Variants in TNN observed in about 807,000 individuals in gnomAD.
The protein encoded by TNN is tenascin-N.
Under a neutral mutation model 134.4 loss-of-function variants are expected in TNN, and 122 were observed. The ratio of observed to expected loss-of-function variants is 0.91; its 90% confidence interval spans 0.78 to 1.06. The LOEUF (loss-of-function observed/expected upper bound fraction) is 1.06. Ranked by LOEUF, TNN falls within the 50% of genes least tolerant of loss-of-function variation. The pLI, the probability that TNN is intolerant of heterozygous loss-of-function variation, is 0.00. For synonymous variants in TNN, 710 were observed against 670.3 expected, an observed-to-expected ratio of 1.06 and a Z score of -0.91; for missense variants, 1,739 against 1,699.4, an observed-to-expected ratio of 1.02 and a Z score of -0.41.
At chr1:175,118,874 T>C (rs751619101) in intron 11 of TNN, 50 bp downstream of exon 11, 1 of 1,605,746 alleles carries the variant, frequency 6.2e-7, no homozygotes, top group South Asian at 1.1e-5. Context: ...TGCAGGTTGA[T>C]CTATTGCAGC....
chr1:175,118,549 T>TC lies in TNN; in HGVS notation c.2387-12_2387-11insC, dbSNP rs1558365769. 1 of 1,609,694 alleles carries TC rather than the reference T, an allele frequency of 6.2e-7. No individual in the cohort carries two copies. Among genetic ancestry groups the TC allele is most frequent in the Admixed American group, 1.7e-5 (1 of 59,474 alleles). ...GTTCATAGTGCATATTGGTCAGCAT[T>TC]TTTTTTTTCAGACATTGACAGCCCC... On this transcript the variant is annotated splice_polypyrimidine_tract_variant and intron_variant, in intron 10 of 18. Coordinates refer to ENST00000239462, the MANE Select transcript of TNN (RefSeq NM_022093.2).
intron 5 of TNN, 100 bp from the exon 6 acceptor site, chr1:175,085,305 C>T (rs1234077519): frequency 1.3e-5 from 10 of 759,220 alleles, no homozygotes; most frequent in Non-Finnish European, 2.1e-5. Context: ...GAAGCATCAC[C>T]TCTCATCTTC....
intron 6 of TNN, among the ~76,000 whole-genome samples, chr1:175,086,297 T>A (rs1040061074): frequency 3.3e-5 from 5 of 152,230 alleles, no homozygotes; most frequent in Non-Finnish European, 5.9e-5. Flanking sequence ...AAATATATAA[T>A]GATAAAAGGT....
At chr1:175,068,239 A>G (rs1673840097) in intron 1 of TNN, among the ~76,000 whole-genome samples, 1 of 152,220 alleles carries the variant, frequency 6.6e-6, no homozygotes, top group African/African-American at 2.4e-5. Context: ...ACATTTTTGT[A>G]TAAAATGTTT....
At chr1:175,071,024 T>C (rs1243375890) in intron 1 of TNN, among the ~76,000 whole-genome samples, 4 of 152,212 alleles carry the variant, frequency 2.6e-5, no homozygotes, top group Non-Finnish European at 4.4e-5. Flanking sequence ...TTTTCCTTCA[T>C]AGTTTAATGA....
chr1:175,079,205 CCCAGAAATCA>C, intron 2 of TNN, 118 bp from the exon 3 acceptor site: 1 of 957,832 alleles, frequency 1.0e-6, no homozygotes, highest in East Asian at 3.8e-5. Flanking sequence ...CCGTGCAAGA[CCCAGAAATCA>C]CCAGACCCTT....
At position 175,123,553 on chromosome 1, in the gene TNN, A is replaced by T. The variant is rs780623281; in HGVS notation, c.2804A>T (p.His935Leu). The change falls in exon 12 of 19, where the codon CAC becomes CTC. Residue 935 changes from histidine to leucine, a missense_variant. Coordinates refer to ENST00000239462, the MANE Select transcript of TNN (RefSeq NM_022093.2). ...ETREVPVGKE[H>L]SSTVLTGLRP... ...AGGGAGGTTCCGGTGGGGAAGGAGC[A>T]CAGCAGCACTGTCCTGACGGGCCTG... 123 of 1,613,936 alleles carry T rather than the reference A, an allele frequency of 7.6e-5. 1 individual carries two copies. In the Admixed American group the frequency reaches 2.0e-3, roughly 26 times the overall value.
chr1:175,117,013 C>A lies in TNN; in HGVS notation c.2194C>A (p.Arg732=), dbSNP rs548251185. ...GGCCACTGTCTCCTGGGACCCGGTGCGGGCCACCATTGACAGGTATGTGGT... is the reference window on the plus strand; with the variant it reads ...GGCCACTGTCTCCTGGGACCCGGTGAGGGCCACCATTGACAGGTATGTGGT... ...NMATVSWDPV[R]ATIDRYVVRY... is the part of the protein sequence containing the mutation. Residue 732 remains arginine (R), a synonymous_variant, in exon 10 of 19, where the codon CGG becomes AGG. Coordinates refer to ENST00000239462, the MANE Select transcript of TNN (RefSeq NM_022093.2). The A allele has an allele frequency of 3.7e-5, 59 of 1,614,072 alleles. No homozygotes were observed. The highest frequency in any genetic ancestry group is 4.7e-5 in the Non-Finnish European group (56 of 1,180,042).
In TNN at chr1:175,094,267, G is replaced by A. The variant is rs574086885; in HGVS notation, c.1588+14G>A. On this transcript the variant is annotated intron_variant, in intron 7 of 18. Transcript: ENST00000239462. ...ATGCCCTCACAGGTAACAGAAGGAC[G>A]GGAGCATAAATAGGTTTCCTCATGG... 268 of 1,555,154 alleles carry A rather than the reference G, an allele frequency of 1.7e-4. No homozygotes were observed. In the South Asian group the frequency reaches 2.3e-3, roughly 14 times the overall value.
chr1:175,111,682 A>G (rs1443981826), intron 9 of TNN, among the ~76,000 whole-genome samples: 3 of 151,528 alleles, frequency 2.0e-5, no homozygotes, highest in Non-Finnish European at 4.4e-5. Flanking sequence ...TCAGTGTTTT[A>G]TGGTTTTTCC....
chr1:175,117,772 T>C (rs1231562730), intron 10 of TNN, among the ~76,000 whole-genome samples: 1 of 152,162 alleles, frequency 6.6e-6, no homozygotes, highest in Non-Finnish European at 1.5e-5. Context: ...AGGATACACA[T>C]GGCCAAAACA....
chr1:175,079,929 TGAG>T (rs1674159673), intron 3 of TNN, among the ~76,000 whole-genome samples: 2 of 151,696 alleles, frequency 1.3e-5, no homozygotes, highest in South Asian at 4.2e-4. Context: ...GCCCTAACCT[TGAG>T]GACCACTGGT....
chr1:175,094,226 A>G lies in TNN; in HGVS notation c.1561A>G (p.Lys521Glu), dbSNP rs1306839061. The change falls in exon 7 of 19, where the codon AAG becomes GAG. Residue 521 changes from lysine (K) to glutamate (E), a missense_variant. By Grantham distance (56) the Lys-to-Glu change is moderately conservative. Coordinates refer to ENST00000239462, the MANE Select transcript of TNN (RefSeq NM_022093.2). The part of the protein sequence containing the change: ...VWAERGNQGS[K>E]KADTNALTEI... ...GGCTGAAAGGGGCAACCAGGGGAGC[A>G]AGAAAGCTGACACCAATGCCCTCAC... 1 of 1,610,112 alleles carries G rather than the reference A, an allele frequency of 6.2e-7. No individual in the cohort carries two copies. The highest frequency in any genetic ancestry group is 1.7e-5 in the Admixed American group (1 of 59,748).
At chr1:175,144,658 A>G in intron 18 of TNN, 108 bp downstream of exon 18, 1 of 1,222,298 alleles carries the variant, frequency 8.2e-7, no homozygotes, top group South Asian at 1.5e-5. Flanking sequence ...TGAAGCTTCC[A>G]GTCAAAGCAG....
chr1:175,116,899 C>T, intron 9 of TNN, 40 bp from the exon 10 acceptor site: 6 of 1,613,998 alleles, frequency 3.7e-6, no homozygotes, highest in Non-Finnish European at 4.2e-6. Context: ...TCTTTGGTAC[C>T]AGTTCATAGT....
Position 175,098,608 on chromosome 1 carries a change from C to T in TNN, c.2119+13C>T. 1.2e-6 allele frequency: 2 copies of T among 1,613,868 alleles called. No homozygotes were observed. The highest frequency in any genetic ancestry group is 8.5e-7 in the Non-Finnish European group (1 of 1,179,890). On this transcript the variant is annotated intron_variant, in intron 9 of 18. Transcript: ENST00000239462. ...AAGGCCCAGACAGGTAAGGAGTGTGCATTATTGCTGTGCCGATGCCATGCT... is the reference window on the plus strand; with the variant it reads ...AAGGCCCAGACAGGTAAGGAGTGTGTATTATTGCTGTGCCGATGCCATGCT...
At chr1:175,104,427 G>C (rs1010821908) in intron 9 of TNN, among the ~76,000 whole-genome samples, 1 of 145,632 alleles carries the variant, frequency 6.9e-6, no homozygotes, top group African/African-American at 2.5e-5. Context: ...TGATTGCCTC[G>C]GCATAGTGGA....
rs1324887927 is a variant in TNN, at chr1:175,147,040, G to A, written c.3869G>A (p.Arg1290Gln). The change falls in exon 19 of 19, where the codon CGG (arginine) becomes CAG (glutamine). Residue 1290 changes from arginine to glutamine, a missense_variant. Physicochemically the swap from Arg to Gln is conservative, Grantham distance 43. Transcript: ENST00000239462. Reference sequence around the variant, plus strand: ...GAGCCTGTCCTGGGCAGAAAGAAGCGGACGCTGAGAGGAAGGCTGCGAACG... The same window carrying A: ...GAGCCTGTCCTGGGCAGAAAGAAGCAGACGCTGAGAGGAAGGCTGCGAACG... ...SREPVLGRKKRTLRGRLRTF is the reference protein window; with the variant it reads ...SREPVLGRKKQTLRGRLRTF 5.0e-6 allele frequency: 8 copies of A among 1,591,962 alleles called. No homozygotes were observed. The highest frequency in any genetic ancestry group is 1.4e-5 in the African/African-American group (1 of 73,528).
At chr1:175,108,147 C>T (rs960653685) in intron 9 of TNN, among the ~76,000 whole-genome samples, 8 of 151,932 alleles carry the variant, frequency 5.3e-5, no homozygotes, top group South Asian at 4.1e-4. Context: ...CAGCTAGATA[C>T]GGAGTGTTGA....
Sources: gnomAD v4.1 joint callset for allele counts (sites outside exome capture counted in the v4.1 genomes callset) on GRCh38, gnomAD v4.1.1 for gene constraint, MANE v1.5 for transcripts, NCBI Gene and HGNC (gene_info 2026-07-23, HGNC 2026-07-21) for gene names.